The following MEIKIN variants were observed in gnomAD, a reference collection of about 807,000 sequenced individuals.
MEIKIN encodes meiosis-specific kinetochore protein.
intron 9 of MEIKIN, among the ~76,000 whole-genome samples, chr5:131,862,748 G>C (rs1259698956): frequency 6.6e-6 from 1 of 152,134 alleles, no homozygotes; most frequent in Non-Finnish European, 1.5e-5. Context: ...CCAGGCTAGA[G>C]TGCACTAGCA....
In MEIKIN at chr5:131,933,535, C is replaced by G; in HGVS notation, c.456G>C (p.Leu152=). Reference sequence around the variant, plus strand: ...CACCTAAATAATCTGATTTTCTGAACAGTTCAGGTGATGGAAAGCTCTCTT... The same window carrying G: ...CACCTAAATAATCTGATTTTCTGAAGAGTTCAGGTGATGGAAAGCTCTCTT... ...SFEESFPSPE[L]FRKSDYLDWE... Residue 152 remains leucine, a synonymous_variant, in exon 5 of 13, where the codon CTG becomes CTC. Transcript: ENST00000442687. 2.5e-6 allele frequency: 1 copy of G among 398,786 alleles called. No homozygotes were observed. 24.7% of individuals were successfully genotyped at this position (398,786 alleles called of 1,614,324 possible).
intron 11 of MEIKIN, among the ~76,000 whole-genome samples, chr5:131,820,042 T>C (rs1419842261): frequency 1.4e-5 from 2 of 144,848 alleles, no homozygotes; most frequent in African/African-American, 2.6e-5. Context: ...CCCAAAGTGC[T>C]GGGATTACAG....
At chr5:131,834,330 T>G (rs969020691) in intron 11 of MEIKIN, among the ~76,000 whole-genome samples, 2 of 152,196 alleles carry the variant, frequency 1.3e-5, no homozygotes, top group Admixed American at 6.5e-5. Flanking sequence ...AGCTTCCCTT[T>G]TTTGTTTGTG....
intron 8 of MEIKIN, among the ~76,000 whole-genome samples, chr5:131,908,437 T>C (rs1751280385): frequency 6.6e-6 from 1 of 152,122 alleles, no homozygotes; most frequent in South Asian, 2.1e-4. Flanking sequence ...CTCAATATAA[T>C]AAAAGCCAAT....
At chr5:131,835,761 T>G (rs562934921) in intron 11 of MEIKIN, among the ~76,000 whole-genome samples, 1 of 152,174 alleles carries the variant, frequency 6.6e-6, no homozygotes, top group African/African-American at 2.4e-5. Context: ...GCCTGGCTAA[T>G]TTTTTGTATT....
chr5:131,894,786 A>G (rs558602947), intron 8 of MEIKIN, among the ~76,000 whole-genome samples: 3 of 152,302 alleles, frequency 2.0e-5, no homozygotes, highest in Admixed American at 2.0e-4. Flanking sequence ...CTATCAGCTT[A>G]AGGAGATTTT....
At chr5:131,819,763 C>CTT (rs1351080323) in intron 11 of MEIKIN, among the ~76,000 whole-genome samples, 1 of 116,958 alleles carries the variant, frequency 8.6e-6, no homozygotes, top group African/African-American at 4.0e-5. Flanking sequence ...CTACATCCAG[C>CTT]TATTTTTTTT....
At chr5:131,884,205 A>C (rs1750740153) in intron 8 of MEIKIN, among the ~76,000 whole-genome samples, 1 of 152,178 alleles carries the variant, frequency 6.6e-6, no homozygotes, top group African/African-American at 2.4e-5. Context: ...CTGGGACACC[A>C]GCCAAGGCAG....
chr5:131,826,012 T>A (rs1464484088), intron 11 of MEIKIN, among the ~76,000 whole-genome samples: 2 of 151,994 alleles, frequency 1.3e-5, no homozygotes, highest in African/African-American at 2.4e-5. Flanking sequence ...AGGCATTTTT[T>A]AAAAACTAAC....
chr5:131,807,383 C>A (rs1286903641), intron 12 of MEIKIN, 125 bp from the exon 13 acceptor site: 7 of 394,744 alleles, frequency 1.8e-5, no homozygotes, highest in Non-Finnish European at 2.7e-5. Flanking sequence ...GCCCATCAAG[C>A]CTTAGGAAAC....
rs180834833 is a variant in MEIKIN, at chr5:131,874,529, G to A, written c.774+4449C>T. 1.2e-4 allele frequency among the ~76,000 whole-genome samples: 18 copies of A among 152,288 alleles called. No homozygotes were observed. In the East Asian group the frequency reaches 3.5e-3, roughly 29 times the overall value. On this transcript the variant is annotated intron_variant, in intron 9 of 12. Coordinates refer to ENST00000442687, the MANE Select transcript of MEIKIN (RefSeq NM_001303622.2). Reference sequence around the variant, plus strand: ...ATAGCTTACCAACGAAAAAAGTCCAGGACCAGATGGATTCACAGCCGAATT... The same window carrying A: ...ATAGCTTACCAACGAAAAAAGTCCAAGACCAGATGGATTCACAGCCGAATT...
intron 8 of MEIKIN, among the ~76,000 whole-genome samples, chr5:131,893,325 C>T (rs1750970030): frequency 6.6e-6 from 1 of 152,196 alleles, no homozygotes; most frequent in African/African-American, 2.4e-5. Flanking sequence ...TGTTGCCTTG[C>T]AGTTTGATCT....
intron 9 of MEIKIN, among the ~76,000 whole-genome samples, chr5:131,858,911 A>G (rs1434881223): frequency 6.6e-6 from 1 of 152,208 alleles, no homozygotes; most frequent in Non-Finnish European, 1.5e-5. Flanking sequence ...CTTATTAAAA[A>G]AGTCAAAAAC....
chr5:131,861,455 T>C (rs1750284381), intron 9 of MEIKIN, among the ~76,000 whole-genome samples: 1 of 152,194 alleles, frequency 6.6e-6, no homozygotes, highest in South Asian at 2.1e-4. Context: ...TATTCCTTTT[T>C]CTTGGCTGAT....
chr5:131,899,077 T>C (rs1168331067), intron 8 of MEIKIN, among the ~76,000 whole-genome samples: 1 of 152,120 alleles, frequency 6.6e-6, no homozygotes, highest in African/African-American at 2.4e-5. Context: ...TCTACTCTTA[T>C]CTCAATTAGA....
chr5:131,838,779 G>A (rs1170591594), intron 11 of MEIKIN, among the ~76,000 whole-genome samples: 1 of 151,234 alleles, frequency 6.6e-6, no homozygotes, highest in African/African-American at 2.4e-5. Context: ...TCTATGCATT[G>A]TATTTTTTTT....
chr5:131,902,930 A>G (rs1233943491), intron 8 of MEIKIN, among the ~76,000 whole-genome samples: 1 of 152,212 alleles, frequency 6.6e-6, no homozygotes, highest in Non-Finnish European at 1.5e-5. Flanking sequence ...CAGAGCTGAT[A>G]GACAAAATGG....
At chr5:131,867,916 G>C (rs945151318) in intron 9 of MEIKIN, among the ~76,000 whole-genome samples, 50 of 152,136 alleles carry the variant, frequency 3.3e-4, no homozygotes, top group South Asian at 6.2e-4. Flanking sequence ...GATCATATAT[G>C]AGTATGTTTA....
chr5:131,891,803 C>T (rs375103351), intron 8 of MEIKIN, among the ~76,000 whole-genome samples: 116 of 152,310 alleles, frequency 7.6e-4, no homozygotes, highest in African/African-American at 2.7e-3. Context: ...GCAGCATCTT[C>T]GTAGCTTTGA....
Sources: allele counts gnomAD v4.1 joint callset (sites outside exome capture counted in the v4.1 genomes callset), GRCh38; gene constraint gnomAD v4.1.1; transcripts MANE v1.5; gene names NCBI Gene and HGNC (gene_info 2026-07-23, HGNC 2026-07-21).